RUNX1: variants seen among roughly 807,000 people sequenced by gnomAD.
The protein encoded by RUNX1 is RUNX family transcription factor 1, also known as runt-related transcription factor 1.
A neutral mutation model predicts 42.8 loss-of-function variants in RUNX1; 19 were observed. The ratio of observed to expected loss-of-function variants is 0.44; its 90% CI spans 0.31 to 0.65. The LOEUF (loss-of-function observed/expected upper bound fraction) is 0.65, where lower values mean the gene tolerates loss of function less well. Ranked by LOEUF, RUNX1 falls within the 30% of genes least tolerant of loss-of-function variation. RUNX1 has a pLI of 0.07. For missense variants in RUNX1, 528 were observed against 672.0 expected, an observed-to-expected ratio of 0.79 and a Z score of 2.37; for synonymous variants, 271 against 289.4, an observed-to-expected ratio of 0.94 and a Z score of 0.64.
intron 2 of RUNX1, among the ~76,000 whole-genome samples, chr21:34,963,739 G>C (rs1034961366): frequency 6.6e-6 from 1 of 152,120 alleles, no homozygotes; most frequent in Non-Finnish European, 1.5e-5. Context: ...TGAATCAATG[G>C]GGCATTATTC....
intron 7 of RUNX1, among the ~76,000 whole-genome samples, chr21:34,804,784 C>T (rs1157076419): frequency 6.6e-6 from 1 of 151,200 alleles, no homozygotes; most frequent in East Asian, 1.9e-4. Flanking sequence ...GCTCTGTCGC[C>T]CACACTGGAG....
At chr21:34,905,211 C>A (rs961062155) in intron 2 of RUNX1, among the ~76,000 whole-genome samples, 1 of 152,206 alleles carries the variant, frequency 6.6e-6, no homozygotes, top group Non-Finnish European at 1.5e-5. Flanking sequence ...AATTGAACGA[C>A]AACATGAAAT....
chr21:35,022,895 GAATAATAAT>G (rs71196925), intron 2 of RUNX1, among the ~76,000 whole-genome samples: 5 of 144,254 alleles, frequency 3.5e-5, no homozygotes, highest in Admixed American at 2.7e-4. Flanking sequence ...TACTCTGTTT[GAATAATAAT>G]AATAATAATA....
intron 2 of RUNX1, among the ~76,000 whole-genome samples, chr21:35,046,758 T>C (rs1373110520): frequency 6.6e-6 from 1 of 152,180 alleles, no homozygotes; most frequent in Admixed American, 6.5e-5. Context: ...CACTTGGCCC[T>C]CTGACATCAA....
At chr21:34,933,727 G>A (rs920709484) in intron 2 of RUNX1, among the ~76,000 whole-genome samples, 6 of 152,196 alleles carry the variant, frequency 3.9e-5, no homozygotes, top group African/African-American at 9.7e-5. Flanking sequence ...GATGGACCCC[G>A]TTCACGCACC....
intron 2 of RUNX1, among the ~76,000 whole-genome samples, chr21:35,025,121 T>C (rs971325366): frequency 3.9e-5 from 6 of 152,232 alleles, no homozygotes; most frequent in Non-Finnish European, 8.8e-5. Flanking sequence ...GGGGATGACT[T>C]TGAAGGACAC....
intron 8 of RUNX1, chr21:34,797,908 T>C (rs1343893044): frequency 6.0e-5 from 25 of 413,770 alleles, no homozygotes; most frequent in Admixed American, 6.0e-4. Context: ...GGGGATGCTA[T>C]TGGCATCTAG....
intron 2 of RUNX1, among the ~76,000 whole-genome samples, chr21:34,927,805 TTGA>T (rs987351601): frequency 3.3e-5 from 5 of 152,254 alleles, no homozygotes; most frequent in Non-Finnish European, 7.3e-5. Flanking sequence ...GTATATTTGG[TTGA>T]TAAGATTCAG....
intron 4 of RUNX1, 28 bp from the exon 5 acceptor site, chr21:34,880,741 G>C (rs2146364651): frequency 6.2e-7 from 1 of 1,612,700 alleles, no homozygotes; most frequent in Non-Finnish European, 8.5e-7. Context: ...GACAAATGCA[G>C]ACATCAGGGA....
chr21:34,964,655 T>C (rs1487929167), intron 2 of RUNX1, among the ~76,000 whole-genome samples: 1 of 152,178 alleles, frequency 6.6e-6, no homozygotes, highest in African/African-American at 2.4e-5. Context: ...GAATCAGCCT[T>C]GTAGGTGGTG....
At chr21:34,990,178 C>T (rs752820517) in intron 2 of RUNX1, among the ~76,000 whole-genome samples, 40 of 152,208 alleles carry the variant, frequency 2.6e-4, no homozygotes, top group Non-Finnish European at 5.6e-4. Flanking sequence ...TCAGAGACCC[C>T]TGACCACCAG....
At chr21:34,994,272 G>A (rs968119096) in intron 2 of RUNX1, among the ~76,000 whole-genome samples, 1 of 151,848 alleles carries the variant, frequency 6.6e-6, no homozygotes, top group Admixed American at 6.6e-5. Context: ...TTCTAAACTG[G>A]GAAGGAGGAT....
At chr21:34,995,489 G>C (rs574793612) in intron 2 of RUNX1, among the ~76,000 whole-genome samples, 1 of 132,594 alleles carries the variant, frequency 7.5e-6, no homozygotes, top group Non-Finnish European at 1.5e-5. Context: ...CACCCAGGCT[G>C]GAGTGCAGTG....
intron 8 of RUNX1, among the ~76,000 whole-genome samples, chr21:34,794,250 A>G (rs2056493280): frequency 6.6e-6 from 1 of 152,122 alleles, no homozygotes; most frequent in Non-Finnish European, 1.5e-5. Flanking sequence ...ATGATAGAAA[A>G]TTGCCATTTT....
intron 2 of RUNX1, among the ~76,000 whole-genome samples, chr21:34,950,944 C>T (rs2058602444): frequency 6.6e-6 from 1 of 152,148 alleles, no homozygotes; most frequent in Non-Finnish European, 1.5e-5. Context: ...GTTTATAAAT[C>T]CTTTATTGAC....
intron 7 of RUNX1, among the ~76,000 whole-genome samples, chr21:34,827,594 G>A (rs1482131704): frequency 6.6e-6 from 1 of 152,210 alleles, no homozygotes; most frequent in Non-Finnish European, 1.5e-5. Flanking sequence ...AGCTCTAGGA[G>A]GGTAGAATGA....
At chr21:35,018,279 G>A (rs569800993) in intron 2 of RUNX1, among the ~76,000 whole-genome samples, 1 of 152,228 alleles carries the variant, frequency 6.6e-6, no homozygotes, top group Admixed American at 6.5e-5. Flanking sequence ...GCCTGTCTCG[G>A]CCTCCCAAAG....
At chr21:34,878,107 TTAAGAC>T (rs1482642005) in intron 5 of RUNX1, among the ~76,000 whole-genome samples, 1 of 151,298 alleles carries the variant, frequency 6.6e-6, no homozygotes, top group African/African-American at 2.4e-5. Context: ...GTGAGGAAGA[TTAAGAC>T]TAATTGTTAA....
At chr21:34,923,430 C>T (rs767919373) in intron 2 of RUNX1, among the ~76,000 whole-genome samples, 2 of 152,106 alleles carry the variant, frequency 1.3e-5, no homozygotes, top group African/African-American at 2.4e-5. Context: ...CAGTTATGCA[C>T]GTTTTTAAGT....
Sources: allele counts gnomAD v4.1 joint callset (sites outside exome capture counted in the v4.1 genomes callset), GRCh38; gene constraint gnomAD v4.1.1; transcripts MANE v1.5; gene names NCBI Gene and HGNC (gene_info 2026-07-23, HGNC 2026-07-21).